Variants in LDHAL6A observed in about 807,000 individuals in gnomAD.
LDHAL6A encodes lactate dehydrogenase A like 6A, also known as L-lactate dehydrogenase A-like 6A.
A neutral mutation model predicts 28.2 loss-of-function variants in LDHAL6A; 19 were observed. The ratio of observed to expected loss-of-function variants is 0.67; its 90% confidence interval spans 0.47 to 0.99. The LOEUF is 0.99. Among genes scored for constraint, LDHAL6A ranks in the 50% least tolerant of loss-of-function variants. LDHAL6A has a pLI of 0.00. For missense variants in LDHAL6A, 372 were observed against 398.6 expected, an observed-to-expected ratio of 0.93 and a Z score of 0.57; for synonymous variants, 144 against 134.4, an observed-to-expected ratio of 1.07 and a Z score of -0.49.
chr11:18,464,254 C>T lies in LDHAL6A; in HGVS notation c.244+176C>T, dbSNP rs544380806. On this transcript the variant is annotated intron_variant, in intron 2 of 6. Transcript: ENST00000280706. ...GGGTTGTACTTTGCAAGGTTTCCCACGGCACCAGACTGAGTTCCTTGTGAG... is the reference window on the plus strand; with the variant it reads ...GGGTTGTACTTTGCAAGGTTTCCCATGGCACCAGACTGAGTTCCTTGTGAG... 1.0e-3 allele frequency among the ~76,000 whole-genome samples: 153 copies of T among 152,260 alleles called. 2 individuals are homozygous for T. The highest frequency in any genetic ancestry group is 2.7e-3 in the South Asian group (13 of 4,824).
chr11:18,455,911 GCA>G lies in LDHAL6A; in HGVS notation c.-769_-768del, dbSNP rs1848740091. On this transcript the variant is annotated 5_prime_UTR_variant, in exon 1 of 7. Coordinates refer to ENST00000280706, the MANE Select transcript of LDHAL6A (RefSeq NM_144972.5). ...ACCTGCCAAGCATCACACCTGCCAA[GCA>G]TCACACCTGCCAAGCATCACACCTG... The G allele has an allele frequency of 6.6e-6, 1 of 151,914 alleles. No individual in the cohort carries two copies. The highest frequency in any genetic ancestry group is 2.1e-4 in the South Asian group (1 of 4,830). The allele number at this position is 151,914 out of a possible 1,614,324, so 9.4% of individuals were successfully genotyped here. A position where few individuals can be genotyped will look rare whatever the true frequency, so the allele number is the denominator to read the frequency against.
intron 2 of LDHAL6A, among the ~76,000 whole-genome samples, 157 bp from the exon 3 acceptor site, chr11:18,465,480 A>G (rs541343445): frequency 6.6e-6 from 1 of 150,818 alleles, no homozygotes; most frequent in Admixed American, 6.6e-5. Context: ...ACTTAGTGCT[A>G]ATTTCCTGAA....
At chr11:18,474,371 C>T (rs1157325433) in intron 3 of LDHAL6A, among the ~76,000 whole-genome samples, 1 of 151,704 alleles carries the variant, frequency 6.6e-6, no homozygotes, top group Non-Finnish European at 1.5e-5. Context: ...GTCACCACGC[C>T]TGGTGATGAC....
chr11:18,475,988 A>G (rs923433908), intron 4 of LDHAL6A, among the ~76,000 whole-genome samples: 3 of 62,190 alleles, frequency 4.8e-5, no homozygotes, highest in African/African-American at 1.5e-4. Flanking sequence ...AGATTAAGGG[A>G]TGGGTATAAC....
At chr11:18,476,527 G>T in intron 5 of LDHAL6A, 26 bp downstream of exon 5, 2 of 1,610,700 alleles carry the variant, frequency 1.2e-6, no homozygotes, top group Non-Finnish European at 1.7e-6. Context: ...CACATTTTCA[G>T]TACCTTAGAA....
At chr11:18,460,886 C>G (rs1467423425) in intron 1 of LDHAL6A, among the ~76,000 whole-genome samples, 1 of 152,056 alleles carries the variant, frequency 6.6e-6, no homozygotes, top group African/African-American at 2.4e-5. Flanking sequence ...GCACAGGCTG[C>G]AGTGCAATGG....
chr11:18,479,009 GC>G lies in LDHAL6A; in HGVS notation c.*140del. ...GTGACCTATTTAGTATAGCCTTCCA[GC>G]TTTTTTTTTTTTCTTTTTTGGGAGG... is the stretch of plus-strand genomic sequence containing the variant. On this transcript the variant is annotated 3_prime_UTR_variant, in exon 7 of 7. Coordinates refer to ENST00000280706, the MANE Select transcript of LDHAL6A (RefSeq NM_144972.5). 1 of 702,022 alleles carries G rather than the reference GC, an allele frequency of 1.4e-6. No individual in the cohort carries two copies. Among genetic ancestry groups the G allele is most frequent in the Non-Finnish European group, 2.3e-6 (1 of 441,090 alleles). 43.5% of individuals were successfully genotyped at this position (702,022 alleles called of 1,614,324 possible).
chr11:18,476,558 TAGA>T lies in LDHAL6A; in HGVS notation c.710+60_710+62del, dbSNP rs1314175818. On this transcript the variant is annotated intron_variant, in intron 5 of 6. Coordinates refer to ENST00000280706, the MANE Select transcript of LDHAL6A (RefSeq NM_144972.5). ...TAGAAGTTGTGAGCCTGAACTCTGT[TAGA>T]AGGTTGAGATTAGTCCCTTAAATAT... 10 of 1,581,390 alleles carry T rather than the reference TAGA, an allele frequency of 6.3e-6. No homozygotes were observed. The African/African-American group carries it at 8.1e-5, about 13-fold the overall frequency.
At chr11:18,473,952 A>G (rs967528594) in intron 3 of LDHAL6A, among the ~76,000 whole-genome samples, 1 of 152,212 alleles carries the variant, frequency 6.6e-6, no homozygotes, top group South Asian at 2.1e-4. Flanking sequence ...GAGTTTTCCT[A>G]CAGTTAAAAT....
At chr11:18,469,115 T>C in intron 3 of LDHAL6A, 1 of 505,154 alleles carries the variant, frequency 2.0e-6, no homozygotes, top group South Asian at 3.0e-5. Flanking sequence ...ACGGTGTCAT[T>C]TTTGAAAGGA....
Position 18,461,675 on chromosome 11 carries a change from C to T in LDHAL6A, c.127-2286C>T, listed in dbSNP as rs570113207. On this transcript the variant is annotated intron_variant, in intron 1 of 6. Coordinates refer to ENST00000280706, the MANE Select transcript of LDHAL6A (RefSeq NM_144972.5). ...ACCAGCCTGGCCAACATGGTGAAACCCCGTCTCTACTAAAAACACACAAAA... is the reference window on the plus strand; with the variant it reads ...ACCAGCCTGGCCAACATGGTGAAACTCCGTCTCTACTAAAAACACACAAAA... Among the ~76,000 whole-genome samples the T allele has an allele frequency of 1.5e-4, 23 of 151,222 alleles. 1 individual carries two copies. Among genetic ancestry groups the T allele is most frequent in the Middle Eastern group, 6.9e-3 (2 of 290 alleles).
Position 18,478,771 on chromosome 11 carries a change from C to T in LDHAL6A, c.900C>T (p.Ile300=), listed in dbSNP as rs1453952104. 2 of 1,613,134 alleles carry T rather than the reference C, an allele frequency of 1.2e-6. No individual in the cohort carries two copies. Among genetic ancestry groups the T allele is most frequent in the South Asian group, 2.2e-5 (2 of 91,058 alleles). The change falls in exon 7 of 7, where the codon ATC becomes ATT. Residue 300 remains isoleucine, a synonymous_variant. Coordinates refer to ENST00000280706, the MANE Select transcript of LDHAL6A (RefSeq NM_144972.5). ...CATGTATCCTGGGAGAGAATGGTAT[C>T]ACAGACCTCATAAAAGTAAAACTGA... The part of the protein sequence containing the change: ...SVPCILGENG[I]TDLIKVKLTL...
In LDHAL6A at chr11:18,465,711, CTTGA is replaced by C. The variant is rs2133872325; in HGVS notation, c.322_325del (p.Asp108Ter). On this transcript the variant is annotated frameshift_variant, in exon 3 of 7. Transcript: ENST00000280706. LOFTEE classifies it high-confidence loss of function. The stretch of plus-strand genomic sequence containing the variant: ...ACGCCAGAAAAAAGGAGAAACACGC[CTTGA>C]TTTAGTCCAGCGAAATGTATCCATC... 1.2e-6 allele frequency: 2 copies of C among 1,613,848 alleles called. No individual in the cohort carries two copies. Among genetic ancestry groups the C allele is most frequent in the Non-Finnish European group, 1.7e-6 (2 of 1,179,784 alleles).
intron 1 of LDHAL6A, among the ~76,000 whole-genome samples, chr11:18,459,242 A>G (rs994726188): frequency 1.3e-5 from 2 of 152,218 alleles, no homozygotes; most frequent in African/African-American, 4.8e-5. Context: ...CACGTCTAGG[A>G]TAAAAGCAGG....
At chr11:18,464,582 G>T (rs973281385) in intron 2 of LDHAL6A, among the ~76,000 whole-genome samples, 77 of 152,184 alleles carry the variant, frequency 5.1e-4, no homozygotes, top group African/African-American at 1.6e-3. Context: ...GGGCGTGGTG[G>T]TGCATGCCTG....
rs1849047330 is a variant in LDHAL6A at position 18,465,562 on chromosome 11, G to A, written c.245-75G>A. The A allele has an allele frequency of 2.6e-5, 32 of 1,225,900 alleles. No individual in the cohort carries two copies. The South Asian group carries it at 4.4e-4, about 17-fold the overall frequency. 75.9% of individuals were successfully genotyped at this position (1,225,900 alleles called of 1,614,324 possible). Reference sequence around the variant, plus strand: ...CTTTGGTAAACATAGTGTGGTGATTGAAGTGAACAGGAAGTATACTTAAAT... The same window carrying A: ...CTTTGGTAAACATAGTGTGGTGATTAAAGTGAACAGGAAGTATACTTAAAT... On this transcript the variant is annotated intron_variant, in intron 2 of 6. Coordinates refer to ENST00000280706, the MANE Select transcript of LDHAL6A (RefSeq NM_144972.5).
rs1481180626 is a variant in LDHAL6A at position 18,475,656 on chromosome 11, A to G, written c.592+17A>G. 6.2e-7 allele frequency: 1 copy of G among 1,600,488 alleles called. No homozygotes were observed. Among genetic ancestry groups the G allele is most frequent in the Non-Finnish European group, 8.5e-7 (1 of 1,173,630 alleles). ...ACTCAAGTGGTAAGCCTGAGGCACG[A>G]TTGAGCCTCTGAAATATCTATTTCC... is the stretch of plus-strand genomic sequence containing the variant. On this transcript the variant is annotated intron_variant, in intron 4 of 6. Coordinates refer to ENST00000280706, the MANE Select transcript of LDHAL6A (RefSeq NM_144972.5).
At chr11:18,466,643 C>A (rs1849081583) in intron 3 of LDHAL6A, among the ~76,000 whole-genome samples, 1 of 140,496 alleles carries the variant, frequency 7.1e-6, no homozygotes, top group African/African-American at 2.7e-5. Context: ...CACAGTGAGA[C>A]CCTGTCTCAA....
intron 3 of LDHAL6A, among the ~76,000 whole-genome samples, chr11:18,474,612 C>G (rs1015808084): frequency 1.3e-5 from 2 of 152,088 alleles, no homozygotes; most frequent in Non-Finnish European, 2.9e-5. Context: ...GTGTCAATCT[C>G]TTGACCTCAG....
Sources: gnomAD v4.1 joint callset for allele counts (sites outside exome capture counted in the v4.1 genomes callset) on GRCh38, gnomAD v4.1.1 for gene constraint, MANE v1.5 for transcripts, NCBI Gene and HGNC (gene_info 2026-07-23, HGNC 2026-07-21) for gene names.